MACROD2: variants seen among roughly 807,000 people sequenced by gnomAD.
MACROD2 encodes ADP-ribose glycohydrolase MACROD2.
MACROD2 carries 36 observed loss-of-function variants against 70.4 expected under a neutral mutation model. The observed-to-expected ratio is 0.51, with a 90% CI of 0.39 to 0.68. The LOEUF (loss-of-function observed/expected upper bound fraction) is 0.68. Ranked by LOEUF, MACROD2 falls within the 30% of genes least tolerant of loss-of-function variation. MACROD2 has a pLI of 0.00. For missense variants in MACROD2, 496 were observed against 538.4 expected (o/e 0.92, Z 0.78); for synonymous variants, 172 against 178.8 (o/e 0.96, Z 0.30).
At chr20:15,832,034 T>C (rs2064061731) in intron 8 of MACROD2, among the ~76,000 whole-genome samples, 2 of 152,138 alleles carry the variant, frequency 1.3e-5, no homozygotes, top group African/African-American at 4.8e-5. Context: ...AGAATCCAGA[T>C]TAGTTTTACC....
chr20:15,097,409 GGT>G (rs1311571626), intron 5 of MACROD2, among the ~76,000 whole-genome samples: 7 of 151,906 alleles, frequency 4.6e-5, no homozygotes, highest in Non-Finnish European at 8.8e-5. Context: ...CATTTATCTT[GGT>G]GTATAGTTCA....
intron 5 of MACROD2, among the ~76,000 whole-genome samples, chr20:14,989,176 T>C (rs1424983487): frequency 6.6e-6 from 1 of 152,200 alleles, no homozygotes; most frequent in Admixed American, 6.5e-5. Context: ...CATATATTAC[T>C]TTTCTGGATG....
intron 5 of MACROD2, among the ~76,000 whole-genome samples, chr20:14,741,762 C>T (rs921703515): frequency 1.3e-5 from 2 of 151,768 alleles, no homozygotes; most frequent in African/African-American, 4.8e-5. Context: ...TTTAAGAATG[C>T]AGTATATGAG....
intron 5 of MACROD2, among the ~76,000 whole-genome samples, chr20:14,737,157 T>A (rs2071676379): frequency 6.6e-6 from 1 of 152,106 alleles, no homozygotes; most frequent in Non-Finnish European, 1.5e-5. Flanking sequence ...CCTGTGTCCA[T>A]GTGTTCTCAT....
intron 5 of MACROD2, among the ~76,000 whole-genome samples, chr20:15,148,145 G>A (rs969465431): frequency 7.2e-5 from 11 of 151,938 alleles, no homozygotes; most frequent in East Asian, 1.9e-4. Context: ...GAGAATGGGC[G>A]ATGTTTCTCA....
At chr20:15,531,121 A>G (rs1349329488) in intron 8 of MACROD2, among the ~76,000 whole-genome samples, 1 of 151,818 alleles carries the variant, frequency 6.6e-6, no homozygotes, top group Non-Finnish European at 1.5e-5. Context: ...AAGAGGCAAG[A>G]GATGTTAAAA....
intron 2 of MACROD2, among the ~76,000 whole-genome samples, chr20:14,025,362 C>G (rs977982287): frequency 1.3e-5 from 2 of 152,106 alleles, no homozygotes; most frequent in African/African-American, 4.8e-5. Flanking sequence ...GTCTGTATCT[C>G]CTTCAGTTCT....
chr20:15,378,354 A>G (rs2045594282), intron 6 of MACROD2, among the ~76,000 whole-genome samples: 1 of 151,794 alleles, frequency 6.6e-6, no homozygotes, highest in African/African-American at 2.4e-5. Context: ...GGGCAGCATC[A>G]GTAATCCAGG....
intron 8 of MACROD2, among the ~76,000 whole-genome samples, chr20:15,517,108 A>T (rs115860032): frequency 2.0e-5 from 3 of 152,102 alleles, no homozygotes; most frequent in Non-Finnish European, 2.9e-5. Flanking sequence ...TCTGGGAAGG[A>T]TCCATAGGTT....
intron 3 of MACROD2, among the ~76,000 whole-genome samples, chr20:14,196,061 C>T (rs1366834041): frequency 1.3e-5 from 2 of 152,226 alleles, no homozygotes; most frequent in Admixed American, 6.5e-5. Context: ...TGCTGGGGGT[C>T]GGATCCCCAC....
At chr20:14,832,817 G>C (rs1393331579) in intron 5 of MACROD2, among the ~76,000 whole-genome samples, 1 of 152,150 alleles carries the variant, frequency 6.6e-6, no homozygotes, top group Admixed American at 6.5e-5. Context: ...CTGGGAAGTA[G>C]AAGTGAGGTA....
At chr20:15,443,807 C>G (rs191554528) in intron 7 of MACROD2, among the ~76,000 whole-genome samples, 2 of 152,230 alleles carry the variant, frequency 1.3e-5, no homozygotes, top group Admixed American at 1.3e-4. Flanking sequence ...CCTGTTCTGT[C>G]CACTCTAGAG....
intron 5 of MACROD2, among the ~76,000 whole-genome samples, chr20:14,970,722 C>G (rs994631729): frequency 6.6e-6 from 1 of 152,146 alleles, no homozygotes; most frequent in Admixed American, 6.5e-5. Flanking sequence ...ACAGTCATGG[C>G]TCACTGCATC....
chr20:14,407,154 T>G (rs2083699217), intron 3 of MACROD2, among the ~76,000 whole-genome samples: 1 of 151,852 alleles, frequency 6.6e-6, no homozygotes, highest in African/African-American at 2.4e-5. Context: ...TATAGCCCTG[T>G]TTCTACTGGA....
intron 7 of MACROD2, among the ~76,000 whole-genome samples, chr20:15,437,842 T>TA (rs371721269): frequency 8.8e-4 from 134 of 152,294 alleles, no homozygotes; most frequent in African/African-American, 3.1e-3. Context: ...CCTTTTTTTT[T>TA]ATGGCTGCAT....
intron 4 of MACROD2, chr20:14,621,857 G>T (rs1568704168): frequency 6.6e-6 from 1 of 152,138 alleles, no homozygotes; most frequent in Non-Finnish European, 1.5e-5. Context: ...TGACTACCTG[G>T]TGCAGCTGAG....
At chr20:14,258,727 C>T (rs1289237456) in intron 3 of MACROD2, among the ~76,000 whole-genome samples, 1 of 151,966 alleles carries the variant, frequency 6.6e-6, no homozygotes, top group Non-Finnish European at 1.5e-5. Flanking sequence ...TAGGTCCCAT[C>T]GATTCATTTT....
intron 2 of MACROD2, among the ~76,000 whole-genome samples, chr20:14,030,707 T>A (rs2053235978): frequency 6.6e-6 from 1 of 152,134 alleles, no homozygotes; most frequent in Non-Finnish European, 1.5e-5. Flanking sequence ...AGAATTTTAT[T>A]TTTAATCAAA....
chr20:15,270,288 C>T (rs751018644), intron 6 of MACROD2, among the ~76,000 whole-genome samples: 9 of 151,332 alleles, frequency 5.9e-5, no homozygotes, highest in East Asian at 2.0e-4. Flanking sequence ...TACTACACAA[C>T]AATAAAAAAG....
Sources: gnomAD v4.1 joint callset for allele counts (sites outside exome capture counted in the v4.1 genomes callset) on GRCh38, gnomAD v4.1.1 for gene constraint, MANE v1.5 for transcripts, NCBI Gene and HGNC (gene_info 2026-07-23, HGNC 2026-07-21) for gene names.